Variants in ERI3 observed in about 807,000 individuals in gnomAD.
ERI3 encodes ERI1 exoribonuclease 3.
In ERI3, 18 loss-of-function variants were observed where a neutral mutation model predicts 44.4. The observed-to-expected ratio is 0.41, with a 90% CI of 0.28 to 0.60. ERI3 has a LOEUF of 0.60. Ranked by LOEUF, ERI3 falls within the 20% of genes least tolerant of loss-of-function variation. The pLI is 0.36. For synonymous variants in ERI3, 183 were observed against 164.8 expected, an observed-to-expected ratio of 1.11 and a Z score of -0.84; for missense variants, 294 against 435.5, an observed-to-expected ratio of 0.68 and a Z score of 2.89.
intron 6 of ERI3, among the ~76,000 whole-genome samples, chr1:44,298,292 C>G (rs1480469216): frequency 6.6e-6 from 1 of 152,176 alleles, no homozygotes; most frequent in African/African-American, 2.4e-5. Context: ...TATCACAAGA[C>G]CTCAGAGAAG....
chr1:44,295,858 G>A (rs1022445762), intron 6 of ERI3, among the ~76,000 whole-genome samples: 1 of 152,092 alleles, frequency 6.6e-6, no homozygotes, highest in African/African-American at 2.4e-5. Context: ...ATAGGATGAT[G>A]TTCATCAGCT....
intron 6 of ERI3, among the ~76,000 whole-genome samples, chr1:44,305,497 T>C (rs1246399705): frequency 6.6e-6 from 1 of 152,132 alleles, no homozygotes; most frequent in Non-Finnish European, 1.5e-5. Flanking sequence ...TTGAAAAAAT[T>C]GAGAGGGGAA....
At chr1:44,336,468 T>C (rs897483260) in intron 3 of ERI3, among the ~76,000 whole-genome samples, 10 of 152,206 alleles carry the variant, frequency 6.6e-5, no homozygotes, top group Non-Finnish European at 8.8e-5. Flanking sequence ...CACAGCATTG[T>C]AGAGGTTTAA....
At chr1:44,297,994 G>T (rs1041429992) in intron 6 of ERI3, among the ~76,000 whole-genome samples, 1 of 152,238 alleles carries the variant, frequency 6.6e-6, no homozygotes. Context: ...TGCCAAGGTG[G>T]CAAGGGCTTT....
At position 44,355,243 on chromosome 1, in the gene ERI3, A is replaced by C. The variant is rs1026589848; in HGVS notation, c.-217T>G. On this transcript the variant is annotated 5_prime_UTR_variant, in exon 1 of 9. Transcript: ENST00000372257. ...CAGCGGCAGCCAGCACCACGAGTCC[A>C]CAACACACCGACTCACCTCCGCGCA... 1.5e-5 allele frequency: 18 copies of C among 1,175,764 alleles called. No homozygotes were observed. The highest frequency in any genetic ancestry group is 8.7e-5 in the South Asian group (2 of 23,048). The allele number at this position is 1,175,764 out of a possible 1,614,324, so 72.8% of individuals were successfully genotyped here. A position where few individuals can be genotyped will look rare whatever the true frequency, so the allele number is the denominator to read the frequency against.
chr1:44,242,756 A>G (rs571538731), intron 8 of ERI3, among the ~76,000 whole-genome samples: 1 of 152,306 alleles, frequency 6.6e-6, no homozygotes, highest in Admixed American at 6.5e-5. Flanking sequence ...CTGCTGGGCA[A>G]GACGGGGGCT....
rs1371868747 is a variant in ERI3 at position 44,313,245 on chromosome 1, A to G, written c.607-17T>C. ...CCCGGTGAGCTGAAAGGAAAGAGAA[A>G]TAGCCGATGGGTAGAAAACCAGGGT... is the stretch of plus-strand genomic sequence containing the variant. On this transcript the variant is annotated splice_polypyrimidine_tract_variant and intron_variant, in intron 4 of 8. Coordinates refer to ENST00000372257, the MANE Select transcript of ERI3 (RefSeq NM_024066.3). The G allele has an allele frequency of 6.2e-7, 1 of 1,613,506 alleles. No homozygotes were observed. Among genetic ancestry groups the G allele is most frequent in the Non-Finnish European group, 8.5e-7 (1 of 1,179,554 alleles).
At chr1:44,231,461 C>T (rs1391765991) in intron 8 of ERI3, among the ~76,000 whole-genome samples, 1 of 152,144 alleles carries the variant, frequency 6.6e-6, no homozygotes, top group Non-Finnish European at 1.5e-5. Context: ...ACAGTCTCGA[C>T]CTCTTGGGGT....
In ERI3 at chr1:44,239,048, C is replaced by T. The variant is rs577740721; in HGVS notation, c.931+8891G>A. On this transcript the variant is annotated intron_variant, in intron 8 of 8. Coordinates refer to ENST00000372257, the MANE Select transcript of ERI3 (RefSeq NM_024066.3). ...CTGCCCCCTCCCCCCCCCAATCCAG[C>T]TTCCTCCCACTCCCTGGTCACTACC... Among the ~76,000 whole-genome samples the T allele has an allele frequency of 2.7e-5, 4 of 149,918 alleles. No individual in the cohort carries two copies. The South Asian group carries it at 6.4e-4, about 24-fold the overall frequency.
At chr1:44,301,706 C>G (rs1645729915) in intron 6 of ERI3, among the ~76,000 whole-genome samples, 1 of 152,192 alleles carries the variant, frequency 6.6e-6, no homozygotes, top group Admixed American at 6.5e-5. Context: ...ATTCTACTTC[C>G]CTCCACTACC....
intron 3 of ERI3, among the ~76,000 whole-genome samples, chr1:44,337,238 G>A (rs191051354): frequency 6.6e-6 from 1 of 152,300 alleles, no homozygotes; most frequent in East Asian, 1.9e-4. Context: ...TGCCATAACA[G>A]AGGTGCCAAG....
At position 44,318,585 on chromosome 1, in the gene ERI3, C is replaced by G. The variant is rs566227064; in HGVS notation, c.606+1043G>C. Reference sequence around the variant, plus strand: ...GCAACAAAAGCCCCACCTGGGTCAGCTGGCAAACACTGGCATCGAATTCAG... The same window carrying G: ...GCAACAAAAGCCCCACCTGGGTCAGGTGGCAAACACTGGCATCGAATTCAG... On this transcript the variant is annotated intron_variant, in intron 4 of 8. Coordinates refer to ENST00000372257, the MANE Select transcript of ERI3 (RefSeq NM_024066.3). Among the ~76,000 whole-genome samples the G allele has an allele frequency of 5.9e-5, 9 of 152,320 alleles. No homozygotes were observed. In the South Asian group the frequency reaches 1.2e-3, roughly 21 times the overall value.
chr1:44,354,553 G>C (rs1045341983), intron 1 of ERI3: 1 of 985,248 alleles, frequency 1.0e-6, no homozygotes, highest in African/African-American at 1.7e-5. Context: ...TTTACAAAGA[G>C]GTAAACTGCT....
chr1:44,265,110 C>T (rs1473700319), intron 7 of ERI3, among the ~76,000 whole-genome samples: 1 of 150,846 alleles, frequency 6.6e-6, no homozygotes, highest in East Asian at 2.0e-4. Flanking sequence ...AGATCCAGCC[C>T]TCCATGCTTA....
intron 2 of ERI3, among the ~76,000 whole-genome samples, chr1:44,344,690 G>T (rs1052099149): frequency 2.6e-5 from 4 of 152,042 alleles, no homozygotes; most frequent in African/African-American, 9.7e-5. Context: ...TCTAAATGAG[G>T]GCCAGAACTC....
Position 44,298,944 on chromosome 1 carries a change from T to C in ERI3, c.758+9366A>G, listed in dbSNP as rs571107944. ...AGTATGCCTTGCATGATTCCATTTA[T>C]ACGAAAGCCAACAATAGGTAAAAAC... On this transcript the variant is annotated intron_variant, in intron 6 of 8. Transcript: ENST00000372257. Among the ~76,000 whole-genome samples, 154 of 152,204 alleles carry C rather than the reference T, an allele frequency of 1.0e-3. 1 individual carries two copies. Among genetic ancestry groups the C allele is most frequent in the African/African-American group, 3.7e-3 (152 of 41,518 alleles).
In ERI3 at chr1:44,264,576, G is replaced by A. The variant is rs961463612; in HGVS notation, c.832-16538C>T. On this transcript the variant is annotated intron_variant, in intron 7 of 8. Coordinates refer to ENST00000372257, the MANE Select transcript of ERI3 (RefSeq NM_024066.3). ...CGCGTGCATAGGCAATGAAGCTCCG[G>A]GTGGGGTCTCCTCCCTCCTTCCTGA... 4.6e-5 allele frequency among the ~76,000 whole-genome samples: 7 copies of A among 152,332 alleles called. No individual in the cohort carries two copies. The East Asian group carries it at 1.3e-3, about 29-fold the overall frequency.
intron 7 of ERI3, among the ~76,000 whole-genome samples, chr1:44,276,554 T>A (rs935883180): frequency 6.6e-6 from 1 of 152,208 alleles, no homozygotes; most frequent in African/African-American, 2.4e-5. Context: ...GGCCATACCT[T>A]GGAATCTGCC....
chr1:44,340,842 T>C (rs1053616389), intron 2 of ERI3, among the ~76,000 whole-genome samples: 5 of 152,218 alleles, frequency 3.3e-5, no homozygotes, highest in African/African-American at 1.2e-4. Context: ...AGACAAACGC[T>C]GGCTTGAGTT....
Sources: gnomAD v4.1 joint callset for allele counts (sites outside exome capture counted in the v4.1 genomes callset) on GRCh38, gnomAD v4.1.1 for gene constraint, MANE v1.5 for transcripts, NCBI Gene and HGNC (gene_info 2026-07-23, HGNC 2026-07-21) for gene names.